The following CDKL4 variants were observed in gnomAD, a reference collection of about 807,000 sequenced individuals.
CDKL4 encodes the protein cyclin-dependent kinase-like 4.
A neutral mutation model predicts 42.0 loss-of-function variants in CDKL4; 44 were observed. The ratio of observed to expected loss-of-function variants is 1.05; its 90% CI spans 0.82 to 1.35. The LOEUF is 1.35. Among genes scored for constraint, CDKL4 ranks in the 40% most tolerant of loss-of-function variants. CDKL4 has a pLI of 0.00. For missense variants in CDKL4, 393 were observed against 369.9 expected, an observed-to-expected ratio of 1.06 and a Z score of -0.51; for synonymous variants, 120 against 121.6, an observed-to-expected ratio of 0.99 and a Z score of 0.09.
chr2:39,185,389 TGTATATATACATATGTGTATATATAC>T (rs1316393375), intron 7 of CDKL4, among the ~76,000 whole-genome samples: 1,789 of 17,874 alleles, frequency 0.1, 382 homozygotes, highest in Non-Finnish European at 0.13. Flanking sequence ...TATATATACA[TGTATATATACATATGTGTATATATAC>T]ATATATATAT....
chr2:39,218,362 A>G (rs1293281675), intron 3 of CDKL4, among the ~76,000 whole-genome samples: 1 of 152,116 alleles, frequency 6.6e-6, no homozygotes, highest in African/African-American at 2.4e-5. Flanking sequence ...TTAGCCAGAC[A>G]TAATGGTGAG....
chr2:39,217,007 C>T (rs1677962349), intron 3 of CDKL4, among the ~76,000 whole-genome samples: 1 of 151,978 alleles, frequency 6.6e-6, no homozygotes, highest in African/African-American at 2.4e-5. Context: ...AGAAGATAGC[C>T]ATCAAAGAGA....
intron 1 of CDKL4, among the ~76,000 whole-genome samples, chr2:39,233,060 A>AAG (rs1553394691): frequency 1.2e-4 from 9 of 73,106 alleles, no homozygotes; most frequent in African/African-American, 3.2e-4. Flanking sequence ...AAAAAAAAAA[A>AAG]AAAGAAAGAA....
At chr2:39,168,327 A>C in the CDKL4 span, among the ~76,000 whole-genome samples, 1 of 152,258 alleles carries the variant, frequency 6.6e-6, no homozygotes, top group Non-Finnish European at 1.5e-5. Context: ...ATGGTCAATG[A>C]GTAGTGTTCA....
chr2:39,227,737 G>A (rs543292791), intron 2 of CDKL4, among the ~76,000 whole-genome samples: 2 of 152,320 alleles, frequency 1.3e-5, no homozygotes, highest in Admixed American at 1.3e-4. Flanking sequence ...TCTCTACTAG[G>A]GGAGTAAAAG....
At chr2:39,185,397 T>C (rs13386029) in intron 7 of CDKL4, among the ~76,000 whole-genome samples, 559 of 28,572 alleles carry the variant, frequency 0.02, 240 homozygotes, top group Non-Finnish European at 0.032. Flanking sequence ...CATGTATATA[T>C]ACATATGTGT....
intron 1 of CDKL4, among the ~76,000 whole-genome samples, chr2:39,234,911 C>T (rs1324058164): frequency 6.7e-6 from 1 of 150,184 alleles, no homozygotes; most frequent in Non-Finnish European, 1.5e-5. Flanking sequence ...TTTTTTGAGA[C>T]AGGTTCTTGC....
intron 3 of CDKL4, among the ~76,000 whole-genome samples, chr2:39,214,231 C>G (rs1305171968): frequency 1.3e-5 from 2 of 152,036 alleles, no homozygotes; most frequent in Non-Finnish European, 2.9e-5. Context: ...CCAGTATTTA[C>G]TTTTTAACTT....
intron 4 of CDKL4, among the ~76,000 whole-genome samples, chr2:39,205,616 C>T (rs1033477083): frequency 2.0e-5 from 3 of 151,720 alleles, no homozygotes; most frequent in African/African-American, 7.3e-5. Context: ...AAAAATTAAC[C>T]AGGCGTGGTG....
At chr2:39,186,356 T>A (rs1052418194) in intron 7 of CDKL4, among the ~76,000 whole-genome samples, 2 of 152,210 alleles carry the variant, frequency 1.3e-5, no homozygotes, top group Admixed American at 1.3e-4. Context: ...TCATAGATCA[T>A]GATTTGCCTT....
At chr2:39,168,730 C>T in the CDKL4 span, among the ~76,000 whole-genome samples, 29 of 149,956 alleles carry the variant, frequency 1.9e-4, no homozygotes, top group South Asian at 5.3e-3. Context: ...AAAGAGAGAG[C>T]CTGAGTCCTT....
intron 5 of CDKL4, among the ~76,000 whole-genome samples, chr2:39,202,561 T>C (rs1014329003): frequency 2.1e-4 from 32 of 152,304 alleles, no homozygotes; most frequent in African/African-American, 7.7e-4. Flanking sequence ...TATTTTTCCT[T>C]TTGTTGCTTG....
chr2:39,189,366 C>G (rs1347932007), intron 6 of CDKL4, among the ~76,000 whole-genome samples: 2 of 152,148 alleles, frequency 1.3e-5, no homozygotes, highest in Non-Finnish European at 1.5e-5. Flanking sequence ...TGACTTCAGG[C>G]CAATCATGGA....
chr2:39,189,929 A>C (rs1036171297), intron 6 of CDKL4, among the ~76,000 whole-genome samples: 1 of 152,198 alleles, frequency 6.6e-6, no homozygotes. Context: ...CTCTAGAGTA[A>C]AGGGGGGAAC....
intron 2 of CDKL4, among the ~76,000 whole-genome samples, chr2:39,226,476 T>A (rs60013531): frequency 1.6e-5 from 2 of 126,780 alleles, no homozygotes; most frequent in African/African-American, 5.4e-5. Context: ...TATATATATA[T>A]AATATATATT....
intron 3 of CDKL4, 26 bp downstream of exon 3, chr2:39,225,813 A>G (rs550587595): frequency 2.5e-6 from 4 of 1,585,248 alleles, no homozygotes; most frequent in South Asian, 2.3e-5. Context: ...CTGGCTGTAC[A>G]GAATTTCAGT....
chr2:39,198,624 A>G (rs917083131), intron 5 of CDKL4, among the ~76,000 whole-genome samples: 1 of 152,182 alleles, frequency 6.6e-6, no homozygotes, highest in Non-Finnish European at 1.5e-5. Context: ...AATTGAAATT[A>G]TAGCAAGAAC....
downstream of CDKL4, among the ~76,000 whole-genome samples, chr2:39,174,508 G>A (rs1197231584): frequency 1.3e-5 from 2 of 152,056 alleles, no homozygotes; most frequent in Non-Finnish European, 2.9e-5. Context: ...GGGAGTTTAT[G>A]TGTTTCTAAG....
chr2:39,194,569 A>C (rs1676397582), intron 5 of CDKL4, among the ~76,000 whole-genome samples: 1 of 152,192 alleles, frequency 6.6e-6, no homozygotes, highest in Non-Finnish European at 1.5e-5. Flanking sequence ...ATCAGTGAAG[A>C]GGAAGATTAT....
Sources: gnomAD v4.1 joint callset for allele counts (sites outside exome capture counted in the v4.1 genomes callset) on GRCh38, gnomAD v4.1.1 for gene constraint, MANE v1.5 for transcripts, NCBI Gene and HGNC (gene_info 2026-07-23, HGNC 2026-07-21) for gene names.